KCNIP4: variants seen among roughly 807,000 people sequenced by gnomAD.
The protein encoded by KCNIP4 is Kv channel-interacting protein 4.
In KCNIP4, 12 loss-of-function variants were observed where a neutral mutation model predicts 34.0. The ratio of observed to expected loss-of-function variants is 0.35; its 90% confidence interval spans 0.23 to 0.57. The LOEUF (loss-of-function observed/expected upper bound fraction) is 0.57. Ranked by LOEUF, KCNIP4 falls within the 20% of genes least tolerant of loss-of-function variation. KCNIP4 has a pLI of 0.83. For synonymous variants in KCNIP4, 124 were observed against 102.2 expected (o/e 1.21, Z -1.29); for missense variants, 238 against 311.7 (o/e 0.76, Z 1.78).
chr4:21,744,255 T>G (rs1716619320), intron 1 of KCNIP4, among the ~76,000 whole-genome samples: 1 of 152,188 alleles, frequency 6.6e-6, no homozygotes, highest in South Asian at 2.1e-4. Flanking sequence ...TGGTGAATAT[T>G]TGCACAACTT....
At chr4:21,373,048 A>T (rs1437059637) in intron 1 of KCNIP4, among the ~76,000 whole-genome samples, 1 of 119,418 alleles carries the variant, frequency 8.4e-6, no homozygotes, top group Non-Finnish European at 1.6e-5. Flanking sequence ...AATTAGTCTT[A>T]ATGGATTGGA....
At chr4:21,570,940 T>G (rs1740321303) in intron 1 of KCNIP4, among the ~76,000 whole-genome samples, 1 of 152,096 alleles carries the variant, frequency 6.6e-6, no homozygotes, top group Admixed American at 6.5e-5. Flanking sequence ...GTCATATTGG[T>G]TCGACGTGGT....
intron 2 of KCNIP4, among the ~76,000 whole-genome samples, chr4:20,871,819 C>G (rs555160668): frequency 1.3e-5 from 2 of 152,132 alleles, no homozygotes; most frequent in African/African-American, 4.8e-5. Flanking sequence ...AATAATGATG[C>G]CTAAACTCAT....
intron 1 of KCNIP4, among the ~76,000 whole-genome samples, chr4:21,558,507 A>AATAAATAT (rs1313569005): frequency 6.6e-6 from 1 of 151,578 alleles, no homozygotes; most frequent in African/African-American, 2.4e-5. Context: ...TAAATAAATA[A>AATAAATAT]ATAAATATAT....
At chr4:21,700,766 T>C (rs752974112) in intron 1 of KCNIP4, among the ~76,000 whole-genome samples, 1 of 151,182 alleles carries the variant, frequency 6.6e-6, no homozygotes, top group Admixed American at 6.6e-5. Context: ...TGAGTTAATA[T>C]TTTTGTATAT....
chr4:21,426,340 A>T (rs1326281286), intron 1 of KCNIP4, among the ~76,000 whole-genome samples: 4 of 152,186 alleles, frequency 2.6e-5, no homozygotes, highest in Non-Finnish European at 5.9e-5. Context: ...ATGCTTGCAC[A>T]ACTCCATAGA....
chr4:21,381,339 G>A (rs1247263877), intron 1 of KCNIP4, among the ~76,000 whole-genome samples: 1 of 152,120 alleles, frequency 6.6e-6, no homozygotes, highest in African/African-American at 2.4e-5. Flanking sequence ...CAGCATTGCA[G>A]GCAGATAGTA....
intron 1 of KCNIP4, among the ~76,000 whole-genome samples, chr4:21,112,855 T>TC (rs957326533): frequency 6.6e-6 from 1 of 152,060 alleles, no homozygotes; most frequent in Admixed American, 6.6e-5. Flanking sequence ...TAACTATTTT[T>TC]CCCTTTTTTT....
chr4:21,592,668 A>G (rs891958500), intron 1 of KCNIP4, among the ~76,000 whole-genome samples: 2 of 152,130 alleles, frequency 1.3e-5, no homozygotes, highest in Non-Finnish European at 2.9e-5. Context: ...GCTTATAAGA[A>G]AGCTGCATAT....
At chr4:21,522,481 C>T (rs1260226480) in intron 1 of KCNIP4, among the ~76,000 whole-genome samples, 3 of 152,032 alleles carry the variant, frequency 2.0e-5, no homozygotes, top group Non-Finnish European at 4.4e-5. Flanking sequence ...ATCTTCCGGC[C>T]TCCTGAGTAG....
chr4:20,774,668 GA>G (rs1484311370), intron 3 of KCNIP4, among the ~76,000 whole-genome samples: 1 of 152,186 alleles, frequency 6.6e-6, no homozygotes, highest in Non-Finnish European at 1.5e-5. Flanking sequence ...AATTTATAGG[GA>G]AGACTTCCCT....
chr4:21,729,909 T>C (rs1715465830), intron 1 of KCNIP4: 1 of 152,288 alleles, frequency 6.6e-6, no homozygotes, highest in African/African-American at 2.4e-5. Context: ...TCAGATATGA[T>C]GTGTGACTCA....
chr4:20,979,644 C>A (rs548394933), intron 1 of KCNIP4, among the ~76,000 whole-genome samples: 1 of 151,908 alleles, frequency 6.6e-6, no homozygotes, highest in Admixed American at 6.6e-5. Flanking sequence ...GTGATCCACC[C>A]GCCTCGGCCT....
At chr4:21,828,620 A>G (rs929247943) in intron 1 of KCNIP4, among the ~76,000 whole-genome samples, 3 of 152,002 alleles carry the variant, frequency 2.0e-5, no homozygotes, top group African/African-American at 7.2e-5. Context: ...AAACAAAAAG[A>G]AAAGAAAGAA....
intron 1 of KCNIP4, among the ~76,000 whole-genome samples, chr4:21,589,171 T>C (rs1425319790): frequency 4.0e-5 from 2 of 49,392 alleles, no homozygotes; most frequent in South Asian, 1.6e-3. Context: ...TATATATATA[T>C]ATATATATAT....
At chr4:20,957,896 T>C (rs760347295) in intron 1 of KCNIP4, among the ~76,000 whole-genome samples, 4 of 152,204 alleles carry the variant, frequency 2.6e-5, no homozygotes, top group Non-Finnish European at 5.9e-5. Flanking sequence ...ATTCTCTGCT[T>C]TCTGGCCTCA....
At chr4:21,475,580 A>G (rs911200137) in intron 1 of KCNIP4, among the ~76,000 whole-genome samples, 15 of 152,178 alleles carry the variant, frequency 9.9e-5, no homozygotes, top group Admixed American at 9.2e-4. Context: ...CATATATTTA[A>G]TGTTGATCAC....
intron 1 of KCNIP4, among the ~76,000 whole-genome samples, chr4:20,904,536 A>G (rs1727527384): frequency 6.6e-6 from 1 of 152,054 alleles, no homozygotes; most frequent in African/African-American, 2.4e-5. Context: ...TTAAATATAC[A>G]GAAAACAACT....
At chr4:20,757,778 A>C (rs1035246367) in intron 4 of KCNIP4, among the ~76,000 whole-genome samples, 1 of 152,170 alleles carries the variant, frequency 6.6e-6, no homozygotes, top group African/African-American at 2.4e-5. Context: ...CTTTAAAAAA[A>C]TGAGGATTAT....
Sources: gnomAD v4.1 joint callset for allele counts (sites outside exome capture counted in the v4.1 genomes callset) on GRCh38, gnomAD v4.1.1 for gene constraint, MANE v1.5 for transcripts, NCBI Gene and HGNC (gene_info 2026-07-23, HGNC 2026-07-21) for gene names.